NR2C2: variants seen among roughly 807,000 people sequenced by gnomAD.
NR2C2 encodes the protein nuclear receptor subfamily 2 group C member 2, also known as Nuclear hormone receptor TR4.
NR2C2 carries 6 observed loss-of-function variants against 62.9 expected under a neutral mutation model. The observed-to-expected ratio is 0.10, with a 90% CI of 0.05 to 0.19. The LOEUF is 0.19. Among genes scored for constraint, NR2C2 ranks in the 10% least tolerant of loss-of-function variants. The pLI is 1.00. For missense variants in NR2C2, 479 were observed against 762.7 expected, an observed-to-expected ratio of 0.63 and a Z score of 4.38; for synonymous variants, 272 against 273.8, an observed-to-expected ratio of 0.99 and a Z score of 0.07.
intron 1 of NR2C2, among the ~76,000 whole-genome samples, chr3:14,963,356 A>G (rs548242004): frequency 6.6e-6 from 1 of 152,376 alleles, no homozygotes; most frequent in South Asian, 2.1e-4. Context: ...AGCCAAAGGC[A>G]CTGTATAGCA....
intron 9 of NR2C2, 44 bp downstream of exon 9, chr3:15,030,496 G>T (rs755951973): frequency 7.8e-5 from 118 of 1,521,258 alleles, no homozygotes; most frequent in Non-Finnish European, 1.0e-4. Flanking sequence ...CCTGCTGGGG[G>T]ATAGGTTCTG....
At chr3:14,958,185 G>A (rs2039581629) in intron 1 of NR2C2, among the ~76,000 whole-genome samples, 1 of 152,162 alleles carries the variant, frequency 6.6e-6, no homozygotes. Flanking sequence ...AGTTCATCAA[G>A]GACAAGGACT....
intron 1 of NR2C2, among the ~76,000 whole-genome samples, chr3:14,990,853 G>C (rs901350904): frequency 6.6e-6 from 1 of 152,218 alleles, no homozygotes; most frequent in Non-Finnish European, 1.5e-5. Flanking sequence ...TATATTTGAA[G>C]AAATTCAATT....
chr3:15,043,447 T>TTTA lies in NR2C2; in HGVS notation c.*439_*440insTTA, dbSNP rs2042342939. On this transcript the variant is annotated 3_prime_UTR_variant, in exon 14 of 14. Transcript: ENST00000425241. Reference sequence around the variant, plus strand: ...AGCACTTTCTAAGCACTTATCAATGTGTAACGTTAGCAACATCTTGCCTGT... The same window carrying TTTA: ...AGCACTTTCTAAGCACTTATCAATGTTTAGTAACGTTAGCAACATCTTGCCTGT... 1 of 152,954 alleles carries TTTA rather than the reference T, an allele frequency of 6.5e-6. No individual in the cohort carries two copies. The highest frequency in any genetic ancestry group is 6.5e-5 in the Admixed American group (1 of 15,298). The allele number at this position is 152,954 out of a possible 1,614,324, so 9.5% of individuals were successfully genotyped here.
At chr3:14,981,387 A>C (rs1175471404) in intron 1 of NR2C2, among the ~76,000 whole-genome samples, 1 of 152,068 alleles carries the variant, frequency 6.6e-6, no homozygotes, top group South Asian at 2.1e-4. Flanking sequence ...GTGGATCACA[A>C]GGTCAGGAGA....
At chr3:15,009,399 A>T (rs1041917460) in intron 2 of NR2C2, among the ~76,000 whole-genome samples, 3 of 152,202 alleles carry the variant, frequency 2.0e-5, no homozygotes, top group Non-Finnish European at 4.4e-5. Context: ...GTATCCCTGC[A>T]TGGATCACTT....
chr3:14,992,171 AAACAACAAAAACAAC>A lies in NR2C2; in HGVS notation c.-39-11692_-39-11678del, dbSNP rs549949774. Among the ~76,000 whole-genome samples the A allele has an allele frequency of 1.9e-3, 295 of 152,264 alleles. 1 individual carries two copies. Among genetic ancestry groups the A allele is most frequent in the African/African-American group, 6.8e-3 (281 of 41,556 alleles). Reference sequence around the variant, plus strand: ...ACAATTATTTCCTTATAAAACAAACAAACAACAAAAACAACAACAACAAAAACCCTGCTGCCAAAG... The same window carrying A: ...ACAATTATTTCCTTATAAAACAAACAAACAACAAAAACCCTGCTGCCAAAG... On this transcript the variant is annotated intron_variant, in intron 1 of 13. Coordinates refer to ENST00000425241, the MANE Select transcript of NR2C2 (RefSeq NM_001291694.2).
At position 15,034,650 on chromosome 3, in the gene NR2C2, A is replaced by AC. The variant is rs2042060622; in HGVS notation, c.1233-19dup. 6.2e-7 allele frequency: 1 copy of AC among 1,610,598 alleles called. No individual in the cohort carries two copies. The highest frequency in any genetic ancestry group is 2.2e-5 in the East Asian group (1 of 44,734). ...AAATGCCAACACACACCACACTCAG[A>AC]CTCCTTTCTATATTCCTAGGCAGGA... On this transcript the variant is annotated intron_variant, in intron 10 of 13. Coordinates refer to ENST00000425241, the MANE Select transcript of NR2C2 (RefSeq NM_001291694.2).
chr3:15,020,784 T>C lies in NR2C2; in HGVS notation c.408T>C (p.Gly136=), dbSNP rs144701498. The C allele has an allele frequency of 7.1e-5, 115 of 1,614,150 alleles. No individual in the cohort carries two copies. In the African/African-American group the frequency reaches 1.4e-3, roughly 20 times the overall value. ...GRHYGAVSCE[G]CKGFFKRSVR... Reference sequence around the variant, plus strand: ...ACTATGGGGCTGTCAGTTGTGAAGGTTGCAAAGGTTTCTTCAAAAGGAGTG... The same window carrying C: ...ACTATGGGGCTGTCAGTTGTGAAGGCTGCAAAGGTTTCTTCAAAAGGAGTG... The change falls in exon 5 of 14, where the codon GGT becomes GGC. Residue 136 remains glycine (G), a synonymous_variant. Transcript: ENST00000425241.
At chr3:14,978,182 C>T (rs62241836) in intron 1 of NR2C2, among the ~76,000 whole-genome samples, 10,945 of 152,202 alleles carry the variant, frequency 0.072, 435 homozygotes, top group Middle Eastern at 0.099. Context: ...GCACCCACAC[C>T]GTAAGCTTCA....
At chr3:14,965,720 A>G (rs931360621) in intron 1 of NR2C2, among the ~76,000 whole-genome samples, 2 of 151,880 alleles carry the variant, frequency 1.3e-5, no homozygotes, top group Non-Finnish European at 2.9e-5. Context: ...GTGGAGTGCA[A>G]TGGCGTGATC....
intron 2 of NR2C2, among the ~76,000 whole-genome samples, chr3:15,011,812 T>C (rs1230793593): frequency 1.3e-5 from 2 of 152,206 alleles, no homozygotes; most frequent in African/African-American, 2.4e-5. Flanking sequence ...CAGTTTACTG[T>C]TGTGTTTGAT....
chr3:14,989,783 T>C (rs1270392985), intron 1 of NR2C2, among the ~76,000 whole-genome samples: 1 of 151,390 alleles, frequency 6.6e-6, no homozygotes, highest in African/African-American at 2.4e-5. Flanking sequence ...AAATACAAAA[T>C]TAGCAGGGTG....
chr3:15,039,095 T>TGCG (rs1553575026), intron 12 of NR2C2, 27 bp from the exon 13 acceptor site: 8 of 1,443,274 alleles, frequency 5.5e-6, no homozygotes, highest in Non-Finnish European at 7.7e-6. Context: ...CAGAGGGAAC[T>TGCG]GGGGGGGGGT....
At chr3:15,023,409 C>T (rs1268744564) in intron 6 of NR2C2, 62 bp downstream of exon 6, 1 of 1,575,668 alleles carries the variant, frequency 6.3e-7, no homozygotes, top group African/African-American at 1.3e-5. Context: ...ACAGACGTGT[C>T]CCACAGCAGG....
At chr3:14,972,969 G>A (rs1244988472) in intron 1 of NR2C2, among the ~76,000 whole-genome samples, 1 of 152,130 alleles carries the variant, frequency 6.6e-6, no homozygotes, top group Non-Finnish European at 1.5e-5. Flanking sequence ...CCTCCCATCA[G>A]GCCGCACCTC....
intron 7 of NR2C2, chr3:15,026,122 A>T (rs2041816610): frequency 6.6e-6 from 1 of 151,886 alleles, no homozygotes; most frequent in Non-Finnish European, 1.5e-5. Flanking sequence ...AGGCTCAAGC[A>T]ATCTTCTTAC....
intron 7 of NR2C2, 150 bp from the exon 8 acceptor site, chr3:15,028,435 AT>A (rs2041882407): frequency 1.6e-6 from 1 of 642,576 alleles, no homozygotes; most frequent in Admixed American, 3.0e-5. Context: ...GAACTGTTAA[AT>A]CACTAAAAAG....
intron 1 of NR2C2, among the ~76,000 whole-genome samples, chr3:14,983,609 T>C (rs2040435813): frequency 6.6e-6 from 1 of 152,160 alleles, no homozygotes; most frequent in Non-Finnish European, 1.5e-5. Flanking sequence ...TGGGAGAAGG[T>C]TCCCTTTTCT....
Sources: gnomAD v4.1 joint callset for allele counts (sites outside exome capture counted in the v4.1 genomes callset) on GRCh38, gnomAD v4.1.1 for gene constraint, MANE v1.5 for transcripts, NCBI Gene and HGNC (gene_info 2026-07-23, HGNC 2026-07-21) for gene names.